The following TCF12 variants were observed in gnomAD, a reference collection of about 807,000 sequenced individuals.
TCF12 encodes transcription factor 12, also known as DNA-binding protein HTF4.
Under a neutral mutation model 86.0 loss-of-function variants are expected in TCF12, and 45 were observed. The observed-to-expected ratio is 0.52, with a 90% CI of 0.41 to 0.67. TCF12 has a LOEUF of 0.67. TCF12 is among the 30% of genes least tolerant of loss of function. The pLI, the probability that TCF12 is intolerant of heterozygous loss-of-function variation, is 0.00. For synonymous variants in TCF12, 330 were observed against 299.6 expected (o/e 1.10, Z -1.05); for missense variants, 881 against 859.9 (o/e 1.02, Z -0.31).
chr15:56,955,631 A>G (rs538986191), intron 3 of TCF12, among the ~76,000 whole-genome samples: 6 of 152,236 alleles, frequency 3.9e-5, no homozygotes, highest in Non-Finnish European at 8.8e-5. Context: ...TTTTAAATGT[A>G]TTGAGTCTTG....
intron 6 of TCF12, among the ~76,000 whole-genome samples, chr15:57,172,119 G>C (rs1203516788): frequency 6.6e-6 from 1 of 151,808 alleles, no homozygotes; most frequent in African/African-American, 2.4e-5. Context: ...CTTTTTTCCT[G>C]TTATACCCAA....
At position 57,170,638 on chromosome 15, in the gene TCF12, ATATAATATATATATTATATAAAAT is replaced by A. The variant is rs1488821402; in HGVS notation, c.390+4173_390+4196del. Among the ~76,000 whole-genome samples the A allele has an allele frequency of 4.0e-4, 13 of 32,880 alleles. 1 individual carries two copies. In the African/African-American group the frequency reaches 5.0e-3, roughly 13 times the overall value. The allele number at this position is 32,880 out of a possible 152,430, so 21.6% of individuals were successfully genotyped here. A position where few individuals can be genotyped will look rare whatever the true frequency, so the allele number is the denominator to read the frequency against. On this transcript the variant is annotated intron_variant, in intron 6 of 20. Transcript: ENST00000333725. ...CATGCCCTGCTAATTTTATATATATATATAATATATATATTATATAAAATATATATATATATAATATATTATATA... is the reference window on the plus strand; with the variant it reads ...CATGCCCTGCTAATTTTATATATATAATATATATATATAATATATTATATA...
At chr15:57,095,695 T>C (rs1239326042) in intron 5 of TCF12, among the ~76,000 whole-genome samples, 2 of 152,158 alleles carry the variant, frequency 1.3e-5, no homozygotes, top group Admixed American at 6.5e-5. Context: ...GAATGTAATA[T>C]GTGGTGGTAC....
chr15:57,024,203 C>G (rs571573415), intron 3 of TCF12, among the ~76,000 whole-genome samples: 1 of 142,744 alleles, frequency 7.0e-6, no homozygotes, highest in East Asian at 2.1e-4. Context: ...AGGACCCATA[C>G]TCAAAAAAGT....
At chr15:56,981,273 A>C (rs2062876793) in intron 3 of TCF12, among the ~76,000 whole-genome samples, 1 of 152,252 alleles carries the variant, frequency 6.6e-6, no homozygotes, top group Non-Finnish European at 1.5e-5. Context: ...GCGGCTGCCA[A>C]GTCCAAGATC....
intron 19 of TCF12, among the ~76,000 whole-genome samples, chr15:57,277,085 C>T (rs2061432542): frequency 1.3e-5 from 2 of 152,102 alleles, no homozygotes; most frequent in African/African-American, 2.4e-5. Flanking sequence ...AGATCACAGA[C>T]GTGAGCCACC....
At chr15:57,242,816 A>T (rs1329789809) in intron 12 of TCF12, among the ~76,000 whole-genome samples, 1 of 152,240 alleles carries the variant, frequency 6.6e-6, no homozygotes, top group Non-Finnish European at 1.5e-5. Flanking sequence ...ATCCTTTTCA[A>T]AGTAGACCTA....
At chr15:57,197,235 C>T (rs2057315895) in intron 7 of TCF12, among the ~76,000 whole-genome samples, 2 of 144,176 alleles carry the variant, frequency 1.4e-5, no homozygotes, top group Admixed American at 7.2e-5. Flanking sequence ...TGGCTCACTG[C>T]AACCTCCATC....
intron 5 of TCF12, among the ~76,000 whole-genome samples, chr15:57,143,161 C>CAAAAAAAA (rs34722160): frequency 1.7e-5 from 2 of 116,806 alleles, no homozygotes; most frequent in Admixed American, 8.1e-5. Flanking sequence ...CCCCCCCCAC[C>CAAAAAAAA]AAAAAAAAAA....
chr15:57,202,953 T>G (rs12903115), intron 8 of TCF12, among the ~76,000 whole-genome samples: 58,829 of 152,116 alleles, frequency 0.39, 14,189 homozygotes, highest in Non-Finnish European at 0.53. Flanking sequence ...TTAAAGAAGT[T>G]TAGCATTTCA....
At chr15:56,927,803 T>C (rs1220414470) in intron 3 of TCF12, among the ~76,000 whole-genome samples, 1 of 152,228 alleles carries the variant, frequency 6.6e-6, no homozygotes, top group Non-Finnish European at 1.5e-5. Flanking sequence ...GGCCAGGGAT[T>C]GATGTTAATG....
rs1184422578 is a variant in TCF12 at position 57,208,380 on chromosome 15, C to CTTTTTTTTTTTTTTTTTTTTTTT, written c.579+10574_579+10575insTTTTTTTTTTTTTTTTTTTTTTT. Among the ~76,000 whole-genome samples the CTTTTTTTTTTTTTTTTTTTTTTT allele has an allele frequency of 1.0e-3, 68 of 65,584 alleles. 7 individuals are homozygous for CTTTTTTTTTTTTTTTTTTTTTTT. Among genetic ancestry groups the CTTTTTTTTTTTTTTTTTTTTTTT allele is most frequent in the African/African-American group, 3.9e-3 (58 of 14,840 alleles). The allele number at this position is 65,584 out of a possible 152,430, so 43.0% of individuals were successfully genotyped here. A position where few individuals can be genotyped will look rare whatever the true frequency, so the allele number is the denominator to read the frequency against. On this transcript the variant is annotated intron_variant, in intron 8 of 20. Coordinates refer to ENST00000333725, the MANE Select transcript of TCF12 (RefSeq NM_207037.2). ...ACCTTGTTCTTTGGACAAAAATATC[C>CTTTTTTTTTTTTTTTTTTTTTTT]TTTTTTTTTTTTTTTTTTTGGAGAC... is the stretch of plus-strand genomic sequence containing the variant.
intron 16 of TCF12, among the ~76,000 whole-genome samples, chr15:57,257,916 G>T (rs1454721011): frequency 6.6e-6 from 1 of 152,090 alleles, no homozygotes; most frequent in Non-Finnish European, 1.5e-5. Context: ...CTTTAGTTTT[G>T]TTCCCATTTA....
intron 3 of TCF12, among the ~76,000 whole-genome samples, chr15:56,949,380 A>G (rs1184751825): frequency 6.6e-6 from 1 of 152,238 alleles, no homozygotes; most frequent in African/African-American, 2.4e-5. Context: ...CACACAGAGC[A>G]TTGTTACACA....
intron 3 of TCF12, among the ~76,000 whole-genome samples, chr15:56,923,892 A>C (rs2059897741): frequency 6.6e-6 from 1 of 152,108 alleles, no homozygotes; most frequent in South Asian, 2.1e-4. Flanking sequence ...TTCTTATTGA[A>C]TTCAGACGTT....
rs550757821 is a variant in TCF12 at position 57,050,912 on chromosome 15, T to C, written c.149-12838T>C. Reference sequence around the variant, plus strand: ...TCCATTTGTTCATTCATTTTGACTGTCTTTTTCTTAAAGTGTTTGAATATT... The same window carrying C: ...TCCATTTGTTCATTCATTTTGACTGCCTTTTTCTTAAAGTGTTTGAATATT... On this transcript the variant is annotated intron_variant, in intron 3 of 20. Transcript: ENST00000333725. Among the ~76,000 whole-genome samples the C allele has an allele frequency of 9.8e-5, 15 of 152,304 alleles. No homozygotes were observed. In the South Asian group the frequency reaches 2.7e-3, roughly 27 times the overall value.
chr15:57,279,021 G>A (rs1224478464), intron 19 of TCF12, among the ~76,000 whole-genome samples: 3 of 138,450 alleles, frequency 2.2e-5, no homozygotes, highest in African/African-American at 8.2e-5. Context: ...CTTCCTCAGG[G>A]TTTTGCTCTG....
chr15:56,920,753 T>A (rs900144764), intron 2 of TCF12, among the ~76,000 whole-genome samples: 1 of 152,190 alleles, frequency 6.6e-6, no homozygotes, highest in Non-Finnish European at 1.5e-5. Context: ...GCAGTAAAGA[T>A]CATGTGTAAT....
intron 5 of TCF12, among the ~76,000 whole-genome samples, chr15:57,115,249 T>C (rs771220867): frequency 2.0e-5 from 3 of 152,230 alleles, no homozygotes; most frequent in Non-Finnish European, 4.4e-5. Context: ...GTAACTTTAA[T>C]GTACTTCATT....
Sources: allele counts gnomAD v4.1 joint callset (sites outside exome capture counted in the v4.1 genomes callset), GRCh38; gene constraint gnomAD v4.1.1; transcripts MANE v1.5; gene names NCBI Gene and HGNC (gene_info 2026-07-23, HGNC 2026-07-21).